MIER2: variants seen among roughly 807,000 people sequenced by gnomAD.
MIER2 encodes the protein MIER family member 2.
Under a neutral mutation model 67.6 loss-of-function variants are expected in MIER2, and 30 were observed. The ratio of observed to expected loss-of-function variants is 0.44; its 90% CI spans 0.33 to 0.60. The LOEUF (loss-of-function observed/expected upper bound fraction) is 0.60. Among genes scored for constraint, MIER2 ranks in the 20% least tolerant of loss-of-function variants. MIER2 has a pLI of 0.02. For synonymous variants in MIER2, 372 were observed against 312.6 expected, an observed-to-expected ratio of 1.19 and a Z score of -2.00; for missense variants, 702 against 745.1, an observed-to-expected ratio of 0.94 and a Z score of 0.67.
chr19:337,627 G>T (rs973159520), intron 1 of MIER2, among the ~76,000 whole-genome samples: 5 of 152,130 alleles, frequency 3.3e-5, no homozygotes, highest in African/African-American at 1.2e-4. Context: ...AGCACTTTGG[G>T]AGGCTCAGGC....
At chr19:312,592 G>A (rs574514272) in intron 8 of MIER2, among the ~76,000 whole-genome samples, 4 of 79,386 alleles carry the variant, frequency 5.0e-5, no homozygotes, top group Non-Finnish European at 7.7e-5. Context: ...ACCCTCCTGG[G>A]CGATGTCAGA....
chr19:339,882 A>C (rs928453283), intron 1 of MIER2, among the ~76,000 whole-genome samples: 1 of 152,200 alleles, frequency 6.6e-6, no homozygotes, highest in African/African-American at 2.4e-5. Flanking sequence ...AAAATGTTTT[A>C]AAATTGACTG....
intron 7 of MIER2, among the ~76,000 whole-genome samples, chr19:315,102 C>T (rs1013104264): frequency 1.3e-5 from 2 of 151,432 alleles, no homozygotes; most frequent in African/African-American, 4.9e-5. Context: ...TGGTGGCTCA[C>T]GCCTGTCATC....
chr19:330,037 G>GGTGA (rs1161643077), intron 3 of MIER2, among the ~76,000 whole-genome samples: 1 of 152,068 alleles, frequency 6.6e-6, no homozygotes, highest in Non-Finnish European at 1.5e-5. Context: ...TGGAACGAGT[G>GGTGA]GTGAGACGAA....
At position 308,710 on chromosome 19, in the gene MIER2, C is replaced by T; in HGVS notation, c.1110-45G>A. The T allele has an allele frequency of 6.3e-7, 1 of 1,595,394 alleles. No individual in the cohort carries two copies. Among genetic ancestry groups the T allele is most frequent in the Non-Finnish European group, 8.5e-7 (1 of 1,170,610 alleles). On this transcript the variant is annotated intron_variant, in intron 11 of 13. Transcript: ENST00000264819. This position sits in a 1 kb window ranked among gnomAD's most constrained non-coding sequence, Gnocchi z 9.1. ...TGAGGGGCGGCAGACAGGACAGACG[C>T]CCCCACCCAAGAGGTGCCGCCCAGG...
At chr19:341,734 G>A (rs1052353237) in intron 1 of MIER2, among the ~76,000 whole-genome samples, 2 of 152,134 alleles carry the variant, frequency 1.3e-5, no homozygotes, top group African/African-American at 2.4e-5. Flanking sequence ...AAAAGAGGGG[G>A]AGCAGGCCAA....
chr19:308,170 C>G lies in MIER2; in HGVS notation c.1198+407G>C, dbSNP rs1274336012. On this transcript the variant is annotated intron_variant, in intron 12 of 13. Transcript: ENST00000264819. The surrounding 1 kb of genome is among the most constrained non-coding windows in gnomAD (Gnocchi z 9.1). Reference sequence around the variant, plus strand: ...CCCTACCCGAGGCCCTGCTGTGCTCCGTCATGGCCTCAGGTGCAAGATCCT... The same window carrying G: ...CCCTACCCGAGGCCCTGCTGTGCTCGGTCATGGCCTCAGGTGCAAGATCCT... 6.6e-6 allele frequency among the ~76,000 whole-genome samples: 1 copy of G among 152,170 alleles called. No individual in the cohort carries two copies. The highest frequency in any genetic ancestry group is 2.4e-5 in the African/African-American group (1 of 41,434).
intron 3 of MIER2, among the ~76,000 whole-genome samples, chr19:333,908 G>A (rs1390717071): frequency 3.3e-5 from 5 of 151,834 alleles, no homozygotes; most frequent in Admixed American, 2.0e-4. Flanking sequence ...TAGCCAGGAC[G>A]GTCTCGATCT....
chr19:342,188 T>C (rs562126938), intron 1 of MIER2, among the ~76,000 whole-genome samples: 376 of 152,236 alleles, frequency 2.5e-3, no homozygotes, highest in African/African-American at 8.7e-3. Flanking sequence ...GTCTGACCAA[T>C]GTTCCCTGGG....
intron 7 of MIER2, among the ~76,000 whole-genome samples, chr19:319,306 G>A (rs1234114436): frequency 2.6e-5 from 4 of 152,092 alleles, no homozygotes; most frequent in Non-Finnish European, 5.9e-5. Context: ...AGTTTCCAGT[G>A]AGTCAATATT....
In MIER2 at chr19:324,663, C is replaced by T. The variant is rs377194745; in HGVS notation, c.655+972G>A. Among the ~76,000 whole-genome samples the T allele has an allele frequency of 2.0e-3, 307 of 152,134 alleles. 4 individuals are homozygous for T. In the South Asian group the frequency reaches 0.025, roughly 12 times the overall value. On this transcript the variant is annotated intron_variant, in intron 7 of 13. Coordinates refer to ENST00000264819, the MANE Select transcript of MIER2 (RefSeq NM_017550.3). The stretch of plus-strand genomic sequence containing the variant: ...CGTCATCACAATGCAATACACAGGA[C>T]ACACACAACCACGCAGACGACTCGA...
Position 325,591 on chromosome 19 carries a change from C to A in MIER2, c.655+44G>T, listed in dbSNP as rs1465506181. ...TCTGACGTCCAGCCAGGCCACTCCC[C>A]TTGCAGAAGTGGGTTTCGCCTCCTC... On this transcript the variant is annotated intron_variant, in intron 7 of 13. Coordinates refer to ENST00000264819, the MANE Select transcript of MIER2 (RefSeq NM_017550.3). 3 of 1,610,286 alleles carry A rather than the reference C, an allele frequency of 1.9e-6. No individual in the cohort carries two copies. The South Asian group carries it at 3.3e-5, about 18-fold the overall frequency.
intron 7 of MIER2, among the ~76,000 whole-genome samples, chr19:317,653 C>A (rs1368116548): frequency 1.3e-5 from 2 of 149,684 alleles, no homozygotes; most frequent in Non-Finnish European, 3.0e-5. Context: ...TCACTTGAAC[C>A]CGGGAGGTGG....
intron 7 of MIER2, among the ~76,000 whole-genome samples, chr19:318,695 T>C (rs1379648775): frequency 6.6e-6 from 1 of 152,018 alleles, no homozygotes; most frequent in Non-Finnish European, 1.5e-5. Context: ...TAAAGCGAGG[T>C]GCAACTAATT....
intron 3 of MIER2, among the ~76,000 whole-genome samples, chr19:328,871 A>C (rs1385582028): frequency 6.6e-6 from 1 of 152,256 alleles, no homozygotes; most frequent in Non-Finnish European, 1.5e-5. Flanking sequence ...CTGGAACAAG[A>C]GCACTGTGAT....
chr19:320,746 T>A (rs936437360), intron 7 of MIER2, among the ~76,000 whole-genome samples: 2 of 152,152 alleles, frequency 1.3e-5, no homozygotes, highest in African/African-American at 4.8e-5. Context: ...TACTCCAACA[T>A]CCGTGGAAAA....
intron 8 of MIER2, 59 bp from the exon 9 acceptor site, chr19:312,331 C>T (rs954350887): frequency 1.3e-6 from 2 of 1,544,036 alleles, no homozygotes; most frequent in South Asian, 2.2e-5. Flanking sequence ...ACAGCAAGAA[C>T]TGTCTATACC....
chr19:341,071 G>A (rs905752623), intron 1 of MIER2, among the ~76,000 whole-genome samples: 2 of 152,192 alleles, frequency 1.3e-5, no homozygotes, highest in South Asian at 2.1e-4. Context: ...AGCCACACGC[G>A]GTGTGAAGCC....
In MIER2 at chr19:324,615, G is replaced by A. The variant is rs540066228; in HGVS notation, c.655+1020C>T. Among the ~76,000 whole-genome samples, 20 of 144,292 alleles carry A rather than the reference G, an allele frequency of 1.4e-4. No individual in the cohort carries two copies. The South Asian group carries it at 2.8e-3, about 20-fold the overall frequency. 94.7% of individuals were successfully genotyped at this position (144,292 alleles called of 152,430 possible). On this transcript the variant is annotated intron_variant, in intron 7 of 13. Coordinates refer to ENST00000264819, the MANE Select transcript of MIER2 (RefSeq NM_017550.3). ...CAATACACAAGACACACACAACCAC[G>A]CAGACGACTCGAATGACACAGACGT...
Sources: gnomAD v4.1 joint callset for allele counts (sites outside exome capture counted in the v4.1 genomes callset) on GRCh38, gnomAD v4.1.1 for gene constraint, Gnocchi (gnomAD v3.1) non-coding constraint, MANE v1.5 for transcripts, NCBI Gene and HGNC (gene_info 2026-07-23, HGNC 2026-07-21) for gene names.